CSGALNACT1: variants seen among roughly 807,000 people sequenced by gnomAD.
CSGALNACT1 encodes the protein chondroitin sulfate N-acetylgalactosaminyltransferase 1.
CSGALNACT1 carries 52 observed loss-of-function variants against 51.0 expected under a neutral mutation model. The ratio of observed to expected loss-of-function variants is 1.02; its 90% CI spans 0.82 to 1.29. CSGALNACT1 has a LOEUF of 1.29. CSGALNACT1 is among the 50% of genes most tolerant of loss of function. The pLI, the probability that CSGALNACT1 is intolerant of heterozygous loss-of-function variation, is 0.00. For synonymous variants in CSGALNACT1, 341 were observed against 254.4 expected, an observed-to-expected ratio of 1.34 and a Z score of -3.24; for missense variants, 935 against 679.2, an observed-to-expected ratio of 1.38 and a Z score of -4.19.
At chr8:19,666,746 AAAC>A (rs1339560994) in intron 1 of CSGALNACT1, among the ~76,000 whole-genome samples, 1 of 140,594 alleles carries the variant, frequency 7.1e-6, no homozygotes, top group Non-Finnish European at 1.5e-5. Context: ...GAAACACAAG[AAAC>A]AAGAAAGAAA....
At chr8:19,479,233 T>A (rs1023470719) in intron 4 of CSGALNACT1, among the ~76,000 whole-genome samples, 2 of 152,322 alleles carry the variant, frequency 1.3e-5, no homozygotes, top group South Asian at 4.1e-4. Context: ...GAAGCTGGAA[T>A]CATTACAGCT....
chr8:19,563,968 C>A (rs769745414), intron 3 of CSGALNACT1, among the ~76,000 whole-genome samples: 3 of 152,022 alleles, frequency 2.0e-5, no homozygotes, highest in Non-Finnish European at 2.9e-5. Context: ...TGAAGCTGGA[C>A]GTTCTGTCTC....
At chr8:19,470,582 C>T (rs1029399103) in intron 4 of CSGALNACT1, among the ~76,000 whole-genome samples, 1 of 152,016 alleles carries the variant, frequency 6.6e-6, no homozygotes, top group Non-Finnish European at 1.5e-5. Flanking sequence ...AAGCGAGTGG[C>T]GGAAGTGTTA....
chr8:19,494,016 G>A (rs963605875), intron 4 of CSGALNACT1, among the ~76,000 whole-genome samples: 5 of 152,002 alleles, frequency 3.3e-5, no homozygotes, highest in East Asian at 1.9e-4. Context: ...CCTGCTATCC[G>A]AGTGACCCAG....
intron 4 of CSGALNACT1, among the ~76,000 whole-genome samples, chr8:19,471,666 C>G (rs557461657): frequency 6.3e-4 from 96 of 152,094 alleles, no homozygotes; most frequent in Non-Finnish European, 1.1e-3. Flanking sequence ...ATTATGGGGT[C>G]CAGGTTGAGA....
At chr8:19,737,402 T>C (rs1563182295) in intron 1 of CSGALNACT1, among the ~76,000 whole-genome samples, 4 of 152,278 alleles carry the variant, frequency 2.6e-5, no homozygotes, top group Admixed American at 6.5e-5. Context: ...ACAAGATAGA[T>C]AAGGCAAAAA....
chr8:19,543,494 C>T (rs978037687), intron 3 of CSGALNACT1, among the ~76,000 whole-genome samples: 2 of 152,128 alleles, frequency 1.3e-5, no homozygotes, highest in African/African-American at 4.8e-5. Flanking sequence ...TTACAGTGAG[C>T]CCCTACTTTC....
intron 6 of CSGALNACT1, among the ~76,000 whole-genome samples, chr8:19,434,266 A>G (rs1165702832): frequency 6.6e-6 from 1 of 152,138 alleles, no homozygotes; most frequent in Non-Finnish European, 1.5e-5. Context: ...CACTAATATC[A>G]TTTAATTGTT....
chr8:19,429,487 C>A (rs141190585), intron 6 of CSGALNACT1, among the ~76,000 whole-genome samples: 2 of 152,246 alleles, frequency 1.3e-5, no homozygotes, highest in African/African-American at 4.8e-5. Flanking sequence ...CATTATTGAC[C>A]TTTTACATCT....
At chr8:19,571,003 G>T (rs781175710) in intron 3 of CSGALNACT1, among the ~76,000 whole-genome samples, 1 of 152,140 alleles carries the variant, frequency 6.6e-6, no homozygotes, top group Non-Finnish European at 1.5e-5. Context: ...TTTTGAGACA[G>T]GTTCTTGCTT....
At chr8:19,590,748 C>T (rs2047645558) in intron 3 of CSGALNACT1, among the ~76,000 whole-genome samples, 1 of 140,746 alleles carries the variant, frequency 7.1e-6, no homozygotes. Flanking sequence ...CTTCTGGGTT[C>T]AAGCAATTCT....
At chr8:19,719,539 G>C (rs1335036411) in intron 1 of CSGALNACT1, among the ~76,000 whole-genome samples, 1 of 152,156 alleles carries the variant, frequency 6.6e-6, no homozygotes, top group African/African-American at 2.4e-5. Context: ...AAAACAACAA[G>C]ACAATGGATG....
intron 6 of CSGALNACT1, among the ~76,000 whole-genome samples, chr8:19,435,202 A>T (rs1322977574): frequency 6.6e-6 from 1 of 152,178 alleles, no homozygotes; most frequent in East Asian, 1.9e-4. Flanking sequence ...GTTACATTAA[A>T]ATAACTTTTT....
rs79024239 is a variant in CSGALNACT1, at chr8:19,630,711, A to G, written c.-543-28846T>C. Among the ~76,000 whole-genome samples the G allele has an allele frequency of 0.011, 1,652 of 152,328 alleles. 58 individuals are homozygous for G. The East Asian group carries it at 0.13, about 12-fold the overall frequency. ...AGTTTTATCTTTTCCAGAATGTCATATAGTTGGAACTACATAGTAGCTTTT... is the reference window on the plus strand; with the variant it reads ...AGTTTTATCTTTTCCAGAATGTCATGTAGTTGGAACTACATAGTAGCTTTT... On this transcript the variant is annotated intron_variant, in intron 1 of 9. Coordinates refer to the CSGALNACT1 transcript ENST00000332246.
At chr8:19,550,479 C>T (rs918648997) in intron 3 of CSGALNACT1, among the ~76,000 whole-genome samples, 15 of 152,170 alleles carry the variant, frequency 9.9e-5, no homozygotes, top group African/African-American at 2.9e-4. Context: ...GATGCAATAT[C>T]TTCTCTAATG....
intron 3 of CSGALNACT1, among the ~76,000 whole-genome samples, chr8:19,523,702 A>C (rs2081156118): frequency 6.6e-6 from 1 of 152,220 alleles, no homozygotes; most frequent in Admixed American, 6.5e-5. Flanking sequence ...TTAAATGCTT[A>C]CTGCATGGAA....
chr8:19,505,612 G>A lies in CSGALNACT1; in HGVS notation c.223C>T (p.Leu75=), dbSNP rs202159119. The A allele has an allele frequency of 6.9e-5, 112 of 1,614,128 alleles. 1 individual carries two copies. In the East Asian group the frequency reaches 1.0e-3, roughly 14 times the overall value. ...TTGAGCTGTGCGATCTGCCGCTTCA[G>A]GCTGCTCACGTAGTTGCGGTGCTGC... The change falls in exon 4 of 10, where the codon CTG becomes TTG. Residue 75 remains leucine (L), a synonymous_variant. Transcript: ENST00000454498.
rs775380173 is a variant in CSGALNACT1 at position 19,405,863 on chromosome 8, G to A, written c.1516C>T (p.Gln506Ter). The change falls in exon 10 of 10, where the codon CAG (glutamine) becomes TAG (stop). Residue 506 changes from glutamine (Q) to a stop codon, truncating the protein, a stop_gained. Coordinates refer to ENST00000454498, the Ensembl canonical transcript of CSGALNACT1. LOFTEE classifies it high-confidence loss of function. ...TGCCTGAACACCAGCATGCCCAGCT[G>A]GCCGTGGGATGCCTCGTTCATGGCC... 4 of 1,614,034 alleles carry A rather than the reference G, an allele frequency of 2.5e-6. No homozygotes were observed. The highest frequency in any genetic ancestry group is 3.4e-6 in the Non-Finnish European group (4 of 1,180,008).
chr8:19,581,161 A>G (rs1018014048), intron 3 of CSGALNACT1, among the ~76,000 whole-genome samples: 1 of 152,226 alleles, frequency 6.6e-6, no homozygotes, highest in African/African-American at 2.4e-5. Flanking sequence ...ATGAACCACA[A>G]TTAGGAGAAA....
Sources: allele counts gnomAD v4.1 joint callset (sites outside exome capture counted in the v4.1 genomes callset), GRCh38; gene constraint gnomAD v4.1.1; transcripts MANE v1.5; gene names NCBI Gene and HGNC (gene_info 2026-07-23, HGNC 2026-07-21).